COG5: variants seen among roughly 807,000 people sequenced by gnomAD.
COG5 encodes the protein component of oligomeric golgi complex 5, also known as conserved oligomeric Golgi complex subunit 5.
COG5 carries 86 observed loss-of-function variants against 110.4 expected under a neutral mutation model. The observed-to-expected ratio is 0.78, with a 90% CI of 0.65 to 0.93. The LOEUF (loss-of-function observed/expected upper bound fraction) is 0.93. COG5 is among the 40% of genes least tolerant of loss of function. The probability of loss-of-function intolerance (pLI) is 0.00; values close to 1 mark genes in which losing one functional copy is unlikely to be tolerated. For missense variants in COG5, 1,077 were observed against 987.0 expected (o/e 1.09, Z -1.22); for synonymous variants, 360 against 334.6 (o/e 1.08, Z -0.83).
intron 5 of COG5, among the ~76,000 whole-genome samples, chr7:107,545,358 G>A (rs564684660): frequency 1.3e-5 from 2 of 152,184 alleles, no homozygotes; most frequent in Admixed American, 6.5e-5. Flanking sequence ...CAAAAACAGA[G>A]AGGATCTTGA....
chr7:107,493,432 A>C (rs1256306887), intron 6 of COG5, among the ~76,000 whole-genome samples: 1 of 152,202 alleles, frequency 6.6e-6, no homozygotes, highest in Non-Finnish European at 1.5e-5. Context: ...TAAATCCATC[A>C]ATTAGAATAG....
chr7:107,203,393 A>G lies in COG5; in HGVS notation c.*123T>C. The G allele has an allele frequency of 1.3e-6, 1 of 750,822 alleles. No individual in the cohort carries two copies. The highest frequency in any genetic ancestry group is 2.4e-6 in the Non-Finnish European group (1 of 418,272). 46.5% of individuals were successfully genotyped at this position (750,822 alleles called of 1,614,324 possible). On this transcript the variant is annotated 3_prime_UTR_variant, in exon 22 of 22. Transcript: ENST00000297135. ...AAAGAGGTAAATAAACGTCGATAGG[A>G]AATACCGAACAATCAATTACATTCT...
rs866291387 is a variant in COG5 at position 107,283,692 on chromosome 7, C to A, written c.1354G>T (p.Ala452Ser). The A allele has an allele frequency of 6.2e-7, 1 of 1,613,938 alleles. No individual in the cohort carries two copies. The highest frequency in any genetic ancestry group is 2.2e-5 in the East Asian group (1 of 44,850). Reference sequence around the variant, plus strand: ...GATAAGGATTTTGATAGATAAGCAGCCTCATAGGGTTGTAGTGAGTCTTTC... The same window carrying A: ...GATAAGGATTTTGATAGATAAGCAGACTCATAGGGTTGTAGTGAGTCTTTC... The part of the protein sequence containing the change: ...ALKDSLQPYE[A>S]AYLSKSLSRL... Residue 452 changes from alanine (A) to serine (S), a missense_variant, in exon 13 of 22, where the codon GCT becomes TCT. Transcript: ENST00000297135.
intron 7 of COG5, among the ~76,000 whole-genome samples, chr7:107,385,269 C>T (rs1790103770): frequency 6.6e-6 from 1 of 152,124 alleles, no homozygotes; most frequent in African/African-American, 2.4e-5. Flanking sequence ...AGGTGTTCTG[C>T]CAACACCTTG....
intron 10 of COG5, among the ~76,000 whole-genome samples, chr7:107,327,352 CAT>C (rs1211520296): frequency 6.6e-6 from 1 of 151,716 alleles, no homozygotes; most frequent in African/African-American, 2.4e-5. Flanking sequence ...AGAAAAAAAA[CAT>C]AGGAGAAAAG....
chr7:107,537,789 T>C (rs945600191), intron 5 of COG5, among the ~76,000 whole-genome samples: 1 of 149,740 alleles, frequency 6.7e-6, no homozygotes, highest in African/African-American at 2.4e-5. Flanking sequence ...TGAATAGACA[T>C]GTCTCCAAGG....
chr7:107,420,523 C>G (rs2129072776), intron 6 of COG5, among the ~76,000 whole-genome samples: 1 of 152,242 alleles, frequency 6.6e-6, no homozygotes, highest in South Asian at 2.1e-4. Flanking sequence ...TGCAGTGGTG[C>G]AATCTCGGCT....
At position 107,230,707 on chromosome 7, in the gene COG5, A is replaced by G. The variant is rs1800713646; in HGVS notation, c.2092-16T>C. ...CCAACTCCATCTGAAATATTAAAATATACTCCATTGTTGTAATGTCAGAAT... is the reference window on the plus strand; with the variant it reads ...CCAACTCCATCTGAAATATTAAAATGTACTCCATTGTTGTAATGTCAGAAT... On this transcript the variant is annotated splice_polypyrimidine_tract_variant and intron_variant, in intron 18 of 21. Coordinates refer to ENST00000297135, the MANE Select transcript of COG5 (RefSeq NM_006348.5). 1 of 1,567,510 alleles carries G rather than the reference A, an allele frequency of 6.4e-7. No individual in the cohort carries two copies. Among genetic ancestry groups the G allele is most frequent in the Non-Finnish European group, 8.8e-7 (1 of 1,137,730 alleles).
chr7:107,252,700 A>C (rs1802609861), intron 16 of COG5, among the ~76,000 whole-genome samples: 1 of 152,206 alleles, frequency 6.6e-6, no homozygotes, highest in Non-Finnish European at 1.5e-5. Flanking sequence ...GGATACATTA[A>C]GTATCCAGGA....
rs1244253552 is a variant in COG5, at chr7:107,367,164, A to G, written c.836-4744T>C. 1.3e-5 allele frequency among the ~76,000 whole-genome samples: 2 copies of G among 152,092 alleles called. 1 individual carries two copies. The highest frequency in any genetic ancestry group is 3.9e-4 in the East Asian group (2 of 5,192). On this transcript the variant is annotated intron_variant, in intron 8 of 21. Transcript: ENST00000297135. The stretch of plus-strand genomic sequence containing the variant: ...TGGACACATACAGCTACAAAATTCT[A>G]AGGGAAAGAAAGTGTAAATAAAAAT...
intron 6 of COG5, among the ~76,000 whole-genome samples, chr7:107,450,695 T>C (rs150620041): frequency 6.6e-5 from 10 of 152,300 alleles, no homozygotes; most frequent in Admixed American, 2.0e-4. Flanking sequence ...AGGAGGATTG[T>C]CCTTATCTAT....
intron 6 of COG5, among the ~76,000 whole-genome samples, chr7:107,526,207 T>C (rs1414376638): frequency 6.6e-5 from 10 of 152,206 alleles, no homozygotes; most frequent in Non-Finnish European, 1.5e-4. Context: ...CTGAAATGGA[T>C]ATAATTAAAG....
intron 3 of COG5, among the ~76,000 whole-genome samples, chr7:107,552,588 C>T (rs1211544228): frequency 6.6e-6 from 1 of 152,130 alleles, no homozygotes; most frequent in Non-Finnish European, 1.5e-5. Flanking sequence ...TACCATCTCA[C>T]ACCATTCAGA....
At chr7:107,386,892 G>A (rs139078256) in intron 7 of COG5, among the ~76,000 whole-genome samples, 242 of 152,188 alleles carry the variant, frequency 1.6e-3, no homozygotes, top group African/African-American at 5.5e-3. Context: ...AAAAGGGGAA[G>A]GAGGAGGAAA....
intron 21 of COG5, chr7:107,209,103 C>T: frequency 1.0e-6 from 1 of 985,418 alleles, no homozygotes; most frequent in South Asian, 4.7e-5. Flanking sequence ...TCATGTCAGC[C>T]CCACTCTGGC....
At chr7:107,316,833 GA>G (rs556569000) in intron 11 of COG5, among the ~76,000 whole-genome samples, 1 of 148,568 alleles carries the variant, frequency 6.7e-6, no homozygotes, top group African/African-American at 2.5e-5. Context: ...TCTGTCTCAG[GA>G]AAAAAAAAGA....
At chr7:107,404,550 G>C (rs1029519010) in intron 7 of COG5, among the ~76,000 whole-genome samples, 1 of 152,064 alleles carries the variant, frequency 6.6e-6, no homozygotes, top group African/African-American at 2.4e-5. Context: ...CATAAAAAGA[G>C]TACCAAGGCC....
At chr7:107,228,604 T>C (rs1366772404) in intron 19 of COG5, among the ~76,000 whole-genome samples, 1 of 152,158 alleles carries the variant, frequency 6.6e-6, no homozygotes, top group African/African-American at 2.4e-5. Context: ...TGCAGAACTC[T>C]ATAGCTTCAA....
At chr7:107,407,069 T>C (rs931469995) in intron 7 of COG5, among the ~76,000 whole-genome samples, 64 of 152,270 alleles carry the variant, frequency 4.2e-4, no homozygotes, top group African/African-American at 1.3e-3. Flanking sequence ...ATTTGATAAT[T>C]TGAGCAATCA....
Sources: allele counts gnomAD v4.1 joint callset (sites outside exome capture counted in the v4.1 genomes callset), GRCh38; gene constraint gnomAD v4.1.1; transcripts MANE v1.5; gene names NCBI Gene and HGNC (gene_info 2026-07-23, HGNC 2026-07-21).